HBEGF: variants seen among roughly 807,000 people sequenced by gnomAD.
HBEGF encodes proheparin-binding EGF-like growth factor.
Under a neutral mutation model 19.5 loss-of-function variants are expected in HBEGF, and 8 were observed. The observed-to-expected ratio is 0.41, with a 90% CI of 0.24 to 0.74. The LOEUF is 0.74. Among genes scored for constraint, HBEGF ranks in the 30% least tolerant of loss-of-function variants. HBEGF has a pLI of 0.32. For missense variants in HBEGF, 207 were observed against 256.9 expected, an observed-to-expected ratio of 0.81 and a Z score of 1.33; for synonymous variants, 97 against 108.9, an observed-to-expected ratio of 0.89 and a Z score of 0.68.
chr5:140,337,001 G>C (rs1157513182), intron 3 of HBEGF, among the ~76,000 whole-genome samples: 2 of 151,688 alleles, frequency 1.3e-5, no homozygotes, highest in East Asian at 3.9e-4. Context: ...GCTAATTTTT[G>C]TAATTTTTTA....
intron 2 of HBEGF, among the ~76,000 whole-genome samples, chr5:140,344,664 C>A (rs556210636): frequency 1.3e-5 from 2 of 152,084 alleles, no homozygotes; most frequent in South Asian, 4.2e-4. Context: ...CAGTCCCAGG[C>A]CCCCTCAGAG....
At position 140,334,688 on chromosome 5, in the gene HBEGF, A is replaced by G. The variant is rs905864201; in HGVS notation, c.615T>C (p.Thr205=). The G allele has an allele frequency of 3.7e-6, 6 of 1,612,104 alleles. No individual in the cohort carries two copies. In the Admixed American group the frequency reaches 8.3e-5, roughly 22 times the overall value. ...GCACAAGTCTCTCTCAGTGGGAATT[A>G]GTCATGCCCAACTTCACTTTCTCTT... is the stretch of plus-strand genomic sequence containing the variant. ...ENEEKVKLGM[T]NSH Residue 205 remains threonine, a synonymous_variant, in exon 5 of 6, where the codon ACT becomes ACC. Transcript: ENST00000230990.
At chr5:140,342,013 A>G (rs1766320459) in intron 3 of HBEGF, among the ~76,000 whole-genome samples, 1 of 152,168 alleles carries the variant, frequency 6.6e-6, no homozygotes, top group Admixed American at 6.5e-5. Flanking sequence ...TGAACCCTGC[A>G]CAAAGGAATT....
intron 3 of HBEGF, among the ~76,000 whole-genome samples, chr5:140,338,145 A>G (rs78392600): frequency 3.5e-4 from 54 of 152,342 alleles, no homozygotes; most frequent in African/African-American, 1.3e-3. Context: ...CATATCTGAT[A>G]GGCTCCTGGG....
Position 140,333,149 on chromosome 5 carries a change from T to C in HBEGF, c.*1150A>G, listed in dbSNP as rs1766178174. Reference sequence around the variant, plus strand: ...GTCCTCTGCTGCACTGACCCCTGCATGGAGTAGCACCAGAAGAATGGCAGG... The same window carrying C: ...GTCCTCTGCTGCACTGACCCCTGCACGGAGTAGCACCAGAAGAATGGCAGG... On this transcript the variant is annotated 3_prime_UTR_variant, in exon 6 of 6. Coordinates refer to ENST00000230990, the MANE Select transcript of HBEGF (RefSeq NM_001945.3). 6.5e-6 allele frequency: 1 copy of C among 152,726 alleles called. No individual in the cohort carries two copies. Among genetic ancestry groups the C allele is most frequent in the Non-Finnish European group, 1.5e-5 (1 of 68,086 alleles). The allele number at this position is 152,726 out of a possible 1,614,324, so 9.5% of individuals were successfully genotyped here. A position where few individuals can be genotyped will look rare whatever the true frequency, so the allele number is the denominator to read the frequency against.
Position 140,335,931 on chromosome 5 carries a change from C to T in HBEGF, c.495G>A (p.Val165=). The part of the protein sequence containing the change: ...YTYDHTTILA[V]VAVVLSSVCL... ...AGACAGATGACAGCACCACAGCCACCACGGCCAGGATGGTTGTGTGGTCAT... is the reference window on the plus strand; with the variant it reads ...AGACAGATGACAGCACCACAGCCACTACGGCCAGGATGGTTGTGTGGTCAT... Residue 165 remains valine (V), a synonymous_variant, in exon 4 of 6, where the codon GTG becomes GTA. Transcript: ENST00000230990. 1 of 1,614,176 alleles carries T rather than the reference C, an allele frequency of 6.2e-7. No individual in the cohort carries two copies. The highest frequency in any genetic ancestry group is 8.5e-7 in the Non-Finnish European group (1 of 1,180,038).
intron 2 of HBEGF, 104 bp downstream of exon 2, chr5:140,345,807 T>C: frequency 1.4e-6 from 2 of 1,412,634 alleles, no homozygotes. Context: ...AGGTTCTCCA[T>C]GAATACCCTC....
chr5:140,336,751 G>A (rs1766232543), intron 3 of HBEGF, among the ~76,000 whole-genome samples: 5 of 152,056 alleles, frequency 3.3e-5, no homozygotes, highest in Admixed American at 3.3e-4. Flanking sequence ...GAGCATGGAA[G>A]ACTGTCAGAA....
intron 3 of HBEGF, among the ~76,000 whole-genome samples, chr5:140,336,818 TTTTC>T (rs1383950847): frequency 2.0e-5 from 3 of 149,346 alleles, no homozygotes; most frequent in Non-Finnish European, 4.4e-5. Flanking sequence ...TGCCTTTTCT[TTTTC>T]TTTTTCTTTT....
chr5:140,337,027 C>T (rs1766239216), intron 3 of HBEGF, among the ~76,000 whole-genome samples: 1 of 151,934 alleles, frequency 6.6e-6, no homozygotes, highest in Non-Finnish European at 1.5e-5. Flanking sequence ...GACGGAGTTT[C>T]ACCATGTTAA....
At chr5:140,338,673 C>T (rs1766263781) in intron 3 of HBEGF, among the ~76,000 whole-genome samples, 1 of 152,164 alleles carries the variant, frequency 6.6e-6, no homozygotes, top group Admixed American at 6.5e-5. Flanking sequence ...CTCCTGGCTT[C>T]CCCAGAGAAG....
intron 5 of HBEGF, 132 bp downstream of exon 5, chr5:140,334,526 T>A (rs1766198333): frequency 2.8e-6 from 2 of 707,824 alleles, no homozygotes; most frequent in East Asian, 5.0e-5. Flanking sequence ...TGAAAATAAT[T>A]CTGCAATGGG....
At chr5:140,335,730 T>C in intron 4 of HBEGF, 142 bp downstream of exon 4, 1 of 887,734 alleles carries the variant, frequency 1.1e-6, no homozygotes, top group Non-Finnish European at 1.7e-6. Flanking sequence ...AATACCAGGT[T>C]TTTGGAGAAT....
rs574788635 is a variant in HBEGF at position 140,334,030 on chromosome 5, T to G, written c.*269A>C. 2.6e-5 allele frequency: 4 copies of G among 152,222 alleles called. No individual in the cohort carries two copies. The highest frequency in any genetic ancestry group is 9.7e-5 in the African/African-American group (4 of 41,362). The allele number at this position is 152,222 out of a possible 1,614,324, so 9.4% of individuals were successfully genotyped here. A position where few individuals can be genotyped will look rare whatever the true frequency, so the allele number is the denominator to read the frequency against. On this transcript the variant is annotated 3_prime_UTR_variant, in exon 6 of 6. Transcript: ENST00000230990. ...GTTTAAACAAACTTATGAGGGGAAGTGGGGTTTGGTGGAGGGGAATCAGAA... is the reference window on the plus strand; with the variant it reads ...GTTTAAACAAACTTATGAGGGGAAGGGGGGTTTGGTGGAGGGGAATCAGAA...
intron 2 of HBEGF, 65 bp downstream of exon 2, chr5:140,345,846 A>C: frequency 2.5e-6 from 4 of 1,591,548 alleles, no homozygotes; most frequent in South Asian, 1.1e-5. Context: ...AACAGCAAGA[A>C]TCTTGGATCT....
chr5:140,338,319 G>A (rs752678270), intron 3 of HBEGF, among the ~76,000 whole-genome samples: 23 of 152,206 alleles, frequency 1.5e-4, no homozygotes, highest in Non-Finnish European at 2.5e-4. Context: ...CTCTGTGAAG[G>A]AGAAGTTACT....
rs1000131839 is a variant in HBEGF at position 140,333,966 on chromosome 5, A to G, written c.*333T>C. On this transcript the variant is annotated 3_prime_UTR_variant, in exon 6 of 6. Coordinates refer to ENST00000230990, the MANE Select transcript of HBEGF (RefSeq NM_001945.3). ...TTTTTTCAGTCAAAGATCCTGGAGC[A>G]TATGGAATTTAACCGGCATTCTAAT... 4 of 152,224 alleles carry G rather than the reference A, an allele frequency of 2.6e-5. No individual in the cohort carries two copies. Among genetic ancestry groups the G allele is most frequent in the African/African-American group, 4.8e-5 (2 of 41,262 alleles). The allele number at this position is 152,224 out of a possible 1,614,324, so 9.4% of individuals were successfully genotyped here. A position where few individuals can be genotyped will look rare whatever the true frequency, so the allele number is the denominator to read the frequency against.
In HBEGF at chr5:140,332,927, T is replaced by G. The variant is rs554804173; in HGVS notation, c.*1372A>C. 3.3e-5 allele frequency: 5 copies of G among 152,756 alleles called. No homozygotes were observed. The East Asian group carries it at 9.6e-4, about 29-fold the overall frequency. 9.5% of individuals were successfully genotyped at this position (152,756 alleles called of 1,614,324 possible). A position where few individuals can be genotyped will look rare whatever the true frequency, so the allele number is the denominator to read the frequency against. On this transcript the variant is annotated 3_prime_UTR_variant, in exon 6 of 6. Transcript: ENST00000230990. Reference sequence around the variant, plus strand: ...AATACAAGTTGTAACAGTTCAGAAATGGCACCAGAAACTTCCAGAAAGGAC... The same window carrying G: ...AATACAAGTTGTAACAGTTCAGAAAGGGCACCAGAAACTTCCAGAAAGGAC...
chr5:140,343,954 T>C (rs929293667), intron 2 of HBEGF, among the ~76,000 whole-genome samples: 5 of 152,062 alleles, frequency 3.3e-5, no homozygotes, highest in Non-Finnish European at 4.4e-5. Flanking sequence ...CTTGCCAACA[T>C]GGCAAAAATC....
Sources: gnomAD v4.1 joint callset for allele counts (sites outside exome capture counted in the v4.1 genomes callset) on GRCh38, gnomAD v4.1.1 for gene constraint, MANE v1.5 for transcripts, NCBI Gene and HGNC (gene_info 2026-07-23, HGNC 2026-07-21) for gene names.